Variants in NCKAP5 observed in about 807,000 individuals in gnomAD.
NCKAP5 encodes the protein NCK associated protein 5.
NCKAP5 carries 92 observed loss-of-function variants against 167.0 expected under a neutral mutation model. The ratio of observed to expected loss-of-function variants is 0.55; its 90% CI spans 0.47 to 0.66. The LOEUF (loss-of-function observed/expected upper bound fraction) is 0.66. Among genes scored for constraint, NCKAP5 ranks in the 30% least tolerant of loss-of-function variants. NCKAP5 has a pLI of 0.00. For synonymous variants in NCKAP5, 891 were observed against 877.4 expected (o/e 1.02, Z -0.27); for missense variants, 2,378 against 2,315.0 (o/e 1.03, Z -0.56).
At chr2:133,351,351 A>T (rs886552500) in intron 3 of NCKAP5, among the ~76,000 whole-genome samples, 1 of 152,176 alleles carries the variant, frequency 6.6e-6, no homozygotes, top group Non-Finnish European at 1.5e-5. Flanking sequence ...TGGTACTTGT[A>T]AACTGAGGAC....
intron 3 of NCKAP5, among the ~76,000 whole-genome samples, chr2:133,370,946 T>C (rs1231241289): frequency 6.6e-6 from 1 of 152,126 alleles, no homozygotes; most frequent in Non-Finnish European, 1.5e-5. Flanking sequence ...ACAAATGAGA[T>C]TCATTCAAGC....
chr2:133,332,394 C>T (rs548775565), intron 3 of NCKAP5, among the ~76,000 whole-genome samples: 1 of 152,168 alleles, frequency 6.6e-6, no homozygotes, highest in Non-Finnish European at 1.5e-5. Flanking sequence ...TTTTTAGAAT[C>T]AAAAACCAAT....
chr2:133,297,506 A>G (rs935861102), intron 4 of NCKAP5, among the ~76,000 whole-genome samples: 3 of 152,194 alleles, frequency 2.0e-5, no homozygotes, highest in Admixed American at 6.6e-5. Flanking sequence ...AGTTATCTCA[A>G]GAGTGTTATT....
intron 11 of NCKAP5, among the ~76,000 whole-genome samples, chr2:132,846,238 T>C (rs1203140903): frequency 6.6e-6 from 1 of 152,198 alleles, no homozygotes; most frequent in Non-Finnish European, 1.5e-5. Flanking sequence ...TAATTTGATA[T>C]AATGAATTTA....
At chr2:133,148,179 TCA>T (rs2083266908) in intron 5 of NCKAP5, among the ~76,000 whole-genome samples, 1 of 152,110 alleles carries the variant, frequency 6.6e-6, no homozygotes, top group Admixed American at 6.6e-5. Flanking sequence ...CAGAGAAGCC[TCA>T]GTTGCCAGCA....
intron 3 of NCKAP5, among the ~76,000 whole-genome samples, chr2:133,342,046 C>T (rs559895735): frequency 3.8e-4 from 58 of 152,242 alleles, no homozygotes; most frequent in African/African-American, 1.4e-3. Context: ...TCACGCCATT[C>T]TCCTGCTTCA....
intron 8 of NCKAP5, among the ~76,000 whole-genome samples, chr2:132,899,184 C>T (rs530905186): frequency 6.6e-6 from 1 of 152,346 alleles, no homozygotes; most frequent in South Asian, 2.1e-4. Flanking sequence ...TTTCACCTTG[C>T]ACTTTCATGT....
chr2:133,432,876 G>C (rs1690244905), intron 3 of NCKAP5, among the ~76,000 whole-genome samples: 1 of 152,076 alleles, frequency 6.6e-6, no homozygotes, highest in South Asian at 2.1e-4. Flanking sequence ...TACATTTCTG[G>C]GGATTCAAGT....
At chr2:133,183,599 A>C (rs994075473) in intron 5 of NCKAP5, among the ~76,000 whole-genome samples, 2 of 152,136 alleles carry the variant, frequency 1.3e-5, no homozygotes, top group African/African-American at 2.4e-5. Context: ...CAAAAACCAA[A>C]CAAACAAACA....
chr2:132,920,659 T>TTATATATA (rs371454572), intron 8 of NCKAP5, among the ~76,000 whole-genome samples: 1,709 of 81,950 alleles, frequency 0.021, 131 homozygotes, highest in African/African-American at 0.073. Flanking sequence ...ATGGAAGAAC[T>TTATATATA]TATATATATA....
the NCKAP5 span, among the ~76,000 whole-genome samples, chr2:133,605,519 G>A: frequency 6.6e-6 from 1 of 152,182 alleles, no homozygotes; most frequent in Non-Finnish European, 1.5e-5. Context: ...GAGCAGAGTT[G>A]GAGGATATTG....
intron 8 of NCKAP5, among the ~76,000 whole-genome samples, chr2:132,906,206 A>G (rs1693998830): frequency 6.6e-6 from 1 of 152,216 alleles, no homozygotes; most frequent in Admixed American, 6.5e-5. Context: ...TTTCCATCCA[A>G]CTATAGTTAC....
chr2:133,515,527 G>A (rs1163939594), intron 3 of NCKAP5, among the ~76,000 whole-genome samples: 1 of 152,154 alleles, frequency 6.6e-6, no homozygotes, highest in African/African-American at 2.4e-5. Context: ...CTCAGGTGGT[G>A]CCAAACAAGT....
chr2:133,123,821 C>A (rs1559162479), intron 6 of NCKAP5: 3 of 470,910 alleles, frequency 6.4e-6, no homozygotes, highest in African/African-American at 2.0e-5. Context: ...AGAAAATGTT[C>A]TTTTAATGTA....
intron 6 of NCKAP5, among the ~76,000 whole-genome samples, chr2:133,006,690 A>C (rs963600760): frequency 2.0e-5 from 3 of 152,024 alleles, no homozygotes; most frequent in African/African-American, 7.3e-5. Flanking sequence ...GTCACACTGG[A>C]TCTGAATAAT....
At chr2:133,426,876 C>T (rs1016232898) in intron 3 of NCKAP5, among the ~76,000 whole-genome samples, 4 of 152,156 alleles carry the variant, frequency 2.6e-5, no homozygotes, top group Non-Finnish European at 4.4e-5. Context: ...TAAAACCACA[C>T]AAAAGTCTAT....
At chr2:133,304,302 G>A (rs945245401) in intron 3 of NCKAP5, among the ~76,000 whole-genome samples, 2 of 152,138 alleles carry the variant, frequency 1.3e-5, no homozygotes, top group Admixed American at 1.3e-4. Flanking sequence ...GCCTTGAAAA[G>A]CCTTTTTTAC....
At chr2:132,917,436 G>C (rs911945676) in intron 8 of NCKAP5, among the ~76,000 whole-genome samples, 1 of 152,142 alleles carries the variant, frequency 6.6e-6, no homozygotes, top group Non-Finnish European at 1.5e-5. Context: ...TAACCGCCAG[G>C]ATTGGTAATT....
intron 3 of NCKAP5, among the ~76,000 whole-genome samples, chr2:133,420,830 G>A (rs10204527): frequency 6.6e-6 from 1 of 151,894 alleles, no homozygotes; most frequent in African/African-American, 2.4e-5. Context: ...CGTCACTTGC[G>A]AAGCTGAGTT....
Sources: allele counts gnomAD v4.1 joint callset (sites outside exome capture counted in the v4.1 genomes callset), GRCh38; gene constraint gnomAD v4.1.1; transcripts MANE v1.5; gene names NCBI Gene and HGNC (gene_info 2026-07-23, HGNC 2026-07-21).